ICA1: variants seen among roughly 807,000 people sequenced by gnomAD.
ICA1 encodes 69 kDa islet cell autoantigen.
Under a neutral mutation model 71.0 loss-of-function variants are expected in ICA1, and 40 were observed. That is an observed-to-expected ratio of 0.56 (90% CI 0.44 to 0.73). ICA1 has a LOEUF of 0.73. Among genes scored for constraint, ICA1 ranks in the 30% least tolerant of loss-of-function variants. ICA1 has a pLI of 0.00. For missense variants in ICA1, 578 were observed against 576.5 expected (o/e 1.00, Z -0.03); for synonymous variants, 207 against 209.5 (o/e 0.99, Z 0.10).
intron 6 of ICA1, among the ~76,000 whole-genome samples, chr7:8,171,015 A>T (rs1052021349): frequency 6.6e-6 from 1 of 151,980 alleles, no homozygotes; most frequent in African/African-American, 2.4e-5. Flanking sequence ...TCAATCCAAA[A>T]AGAAACCCCA....
In ICA1 at chr7:8,186,321, C is replaced by A. The variant is rs1783906578; in HGVS notation, c.580-27669G>T. 3.3e-5 allele frequency among the ~76,000 whole-genome samples: 5 copies of A among 152,120 alleles called. No homozygotes were observed. The South Asian group carries it at 1.0e-3, about 32-fold the overall frequency. On this transcript the variant is annotated intron_variant, in intron 6 of 13. Transcript: ENST00000402384. ...CCTGGACAACAAACATAAATGTGGA[C>A]CATGCCAGACACAGCAATCATCTGG...
chr7:8,118,618 A>G (rs951436010), intron 13 of ICA1, among the ~76,000 whole-genome samples: 1 of 152,210 alleles, frequency 6.6e-6, no homozygotes, highest in Non-Finnish European at 1.5e-5. Context: ...AAATCACATA[A>G]AACAGTGGTA....
chr7:8,232,286 C>A (rs914505035), intron 3 of ICA1, among the ~76,000 whole-genome samples: 1 of 152,174 alleles, frequency 6.6e-6, no homozygotes, highest in Non-Finnish European at 1.5e-5. Flanking sequence ...AAATCTGACT[C>A]CTCAGCTCTG....
At position 8,139,056 on chromosome 7, in the gene ICA1, T is replaced by A; in HGVS notation, c.956-9A>T. 1.9e-6 allele frequency: 3 copies of A among 1,609,570 alleles called. No homozygotes were observed. The highest frequency in any genetic ancestry group is 2.6e-6 in the Non-Finnish European group (3 of 1,176,002). ...ACTTTTTCCATCTTCAGCTGTAATA[T>A]AACATGTGCAACTGGTTACCAACAA... is the stretch of plus-strand genomic sequence containing the variant. On this transcript the variant is annotated splice_polypyrimidine_tract_variant and intron_variant, in intron 10 of 13. Transcript: ENST00000402384.
intron 1 of ICA1, among the ~76,000 whole-genome samples, chr7:8,251,012 C>G (rs999493377): frequency 3.9e-5 from 6 of 152,014 alleles, no homozygotes; most frequent in African/African-American, 9.7e-5. Context: ...TGATCCCCCC[C>G]ACCTCAGCCT....
At position 8,132,920 on chromosome 7, in the gene ICA1, T is replaced by C. The variant is rs542075630; in HGVS notation, c.1061-4778A>G. 3.3e-5 allele frequency among the ~76,000 whole-genome samples: 5 copies of C among 152,366 alleles called. No individual in the cohort carries two copies. The highest frequency in any genetic ancestry group is 3.4e-3 in the Middle Eastern group (1 of 294). On this transcript the variant is annotated intron_variant, in intron 12 of 13. Transcript: ENST00000402384. The surrounding 1 kb of genome is among the most constrained non-coding windows in gnomAD (Gnocchi z 4.5). ...CTGGTGCTCCATAGAGGAACCCTCTTACTGTGTATCTTTGCTTAGTCTGTG... is the reference window on the plus strand; with the variant it reads ...CTGGTGCTCCATAGAGGAACCCTCTCACTGTGTATCTTTGCTTAGTCTGTG...
chr7:8,153,763 C>T (rs1800489555), intron 8 of ICA1, among the ~76,000 whole-genome samples: 1 of 150,894 alleles, frequency 6.6e-6, no homozygotes, highest in African/African-American at 2.4e-5. Flanking sequence ...TCAATAATTT[C>T]TACCACGTGA....
At chr7:8,122,010 G>A (rs1226906853) in intron 13 of ICA1, among the ~76,000 whole-genome samples, 1 of 152,198 alleles carries the variant, frequency 6.6e-6, no homozygotes, top group Non-Finnish European at 1.5e-5. Flanking sequence ...TGACTGCTGG[G>A]GAGGGGGGAC....
chr7:8,186,178 G>A (rs1466464229), intron 6 of ICA1, among the ~76,000 whole-genome samples: 1 of 152,196 alleles, frequency 6.6e-6, no homozygotes, highest in Admixed American at 6.5e-5. Flanking sequence ...ACAGGGGGAG[G>A]AGACAGGGAA....
intron 13 of ICA1, among the ~76,000 whole-genome samples, chr7:8,116,857 G>C (rs1056177243): frequency 6.6e-6 from 1 of 152,160 alleles, no homozygotes; most frequent in South Asian, 2.1e-4. Flanking sequence ...AAATATATGA[G>C]GGGGAAAGAA....
intron 6 of ICA1, among the ~76,000 whole-genome samples, chr7:8,165,450 T>C (rs529708197): frequency 9.5e-4 from 145 of 152,250 alleles, no homozygotes; most frequent in Non-Finnish European, 1.8e-3. Context: ...AGCATTCCCC[T>C]TGAAAACCAG....
intron 1 of ICA1, among the ~76,000 whole-genome samples, chr7:8,246,833 G>A (rs1227374790): frequency 6.6e-6 from 1 of 152,126 alleles, no homozygotes; most frequent in Non-Finnish European, 1.5e-5. Flanking sequence ...CACAACCTCT[G>A]CCTCCTGGGT....
intron 6 of ICA1, among the ~76,000 whole-genome samples, chr7:8,161,264 G>C (rs574374951): frequency 1.3e-5 from 2 of 152,260 alleles, no homozygotes; most frequent in Admixed American, 1.3e-4. Context: ...TCTTAAGGAG[G>C]ACAGACAAGT....
intron 1 of ICA1, among the ~76,000 whole-genome samples, chr7:8,252,771 TA>T (rs1240384517): frequency 6.6e-6 from 1 of 151,576 alleles, no homozygotes; most frequent in Non-Finnish European, 1.5e-5. Flanking sequence ...TATTTAATTA[TA>T]TTTTTTGCTT....
At chr7:8,180,561 A>C (rs540644620) in intron 6 of ICA1, among the ~76,000 whole-genome samples, 1 of 152,244 alleles carries the variant, frequency 6.6e-6, no homozygotes, top group African/African-American at 2.4e-5. Flanking sequence ...TTTAGTAGAC[A>C]ATGTCAGTTT....
At chr7:8,169,913 T>TGTGTGTGC (rs1298807338) in intron 6 of ICA1, among the ~76,000 whole-genome samples, 1 of 151,580 alleles carries the variant, frequency 6.6e-6, no homozygotes, top group African/African-American at 2.4e-5. Flanking sequence ...TGTGTGTGTG[T>TGTGTGTGC]GTGTGTGTGT....
At chr7:8,118,286 G>A (rs1006737777) in intron 13 of ICA1, among the ~76,000 whole-genome samples, 1 of 152,174 alleles carries the variant, frequency 6.6e-6, no homozygotes, top group Non-Finnish European at 1.5e-5. Context: ...AATACGAAGA[G>A]TTCTAAAAGG....
At chr7:8,142,451 A>C (rs1048547487) in intron 9 of ICA1, among the ~76,000 whole-genome samples, 1 of 152,228 alleles carries the variant, frequency 6.6e-6, no homozygotes. Context: ...GCTTTCAAAA[A>C]TGAAGCACTG....
chr7:8,258,451 A>T (rs1811009548), intron 1 of ICA1, among the ~76,000 whole-genome samples: 1 of 152,184 alleles, frequency 6.6e-6, no homozygotes. Context: ...CTAGCTCACT[A>T]GGTTTACACT....
Sources: allele counts gnomAD v4.1 joint callset (sites outside exome capture counted in the v4.1 genomes callset), GRCh38; gene constraint gnomAD v4.1.1; non-coding constraint Gnocchi (gnomAD v3.1); transcripts MANE v1.5; gene names NCBI Gene and HGNC (gene_info 2026-07-23, HGNC 2026-07-21).